Variants in UTRN observed in about 807,000 individuals in gnomAD.
The protein encoded by UTRN is dystrophin-related protein 1.
Under a neutral mutation model 463.9 loss-of-function variants are expected in UTRN, and 283 were observed. The ratio of observed to expected loss-of-function variants is 0.61; its 90% confidence interval spans 0.55 to 0.67. The LOEUF (loss-of-function observed/expected upper bound fraction) is 0.67. Among genes scored for constraint, UTRN ranks in the 30% least tolerant of loss-of-function variants. The pLI is 0.00. For missense variants in UTRN, 3,922 were observed against 4,084.3 expected, an observed-to-expected ratio of 0.96 and a Z score of 1.08; for synonymous variants, 1,442 against 1,431.5, an observed-to-expected ratio of 1.01 and a Z score of -0.17.
Position 144,516,947 on chromosome 6 carries a change from A to G in UTRN, c.5540A>G (p.Lys1847Arg). Residue 1847 changes from lysine to arginine, a missense_variant and splice_region_variant, in exon 39 of 75, where the codon AAG (lysine) becomes AGG (arginine). Around this residue, in one of 3 missense-constraint regions of UTRN, gnomAD observed 2,349 missense variants for 2,303.8 expected, o/e 1.02. Coordinates refer to ENST00000367545, the MANE Select transcript of UTRN (RefSeq NM_007124.3). ...LLLHTRYNKI[K>R]AIPIQQRKMG... ...TTGCATACTAGATACAACAAAATTA[A>G]GGTATTATGATTGGAGAGTCTCTGT... 1.4e-6 allele frequency: 2 copies of G among 1,476,324 alleles called. No individual in the cohort carries two copies. Among genetic ancestry groups the G allele is most frequent in the Non-Finnish European group, 1.8e-6 (2 of 1,118,768 alleles). 91.5% of individuals were successfully genotyped at this position (1,476,324 alleles called of 1,614,324 possible). A position where few individuals can be genotyped will look rare whatever the true frequency, so the allele number is the denominator to read the frequency against.
chr6:144,315,799 C>A (rs1775245716), intron 2 of UTRN, among the ~76,000 whole-genome samples: 2 of 152,190 alleles, frequency 1.3e-5, no homozygotes, highest in African/African-American at 4.8e-5. Context: ...AGGAATCTAC[C>A]TGAAAAGCAC....
At chr6:144,808,748 A>C (rs1778362874) in intron 65 of UTRN, among the ~76,000 whole-genome samples, 1 of 151,884 alleles carries the variant, frequency 6.6e-6, no homozygotes, top group Admixed American at 6.6e-5. Flanking sequence ...TAAAGGTCCC[A>C]CATATAAGTG....
At chr6:144,780,879 C>A (rs1477066302) in intron 60 of UTRN, among the ~76,000 whole-genome samples, 1 of 152,190 alleles carries the variant, frequency 6.6e-6, no homozygotes, top group East Asian at 1.9e-4. Context: ...ACCTGGAATT[C>A]TTTCCTCACT....
rs185857631 is a variant in UTRN, at chr6:144,683,632, G to A, written c.7652+5054G>A. ...TTCTCCTATGTCTCAAATATTTCTC[G>A]AAACTTTTCCATCACTTTTCTCTCT... On this transcript the variant is annotated intron_variant, in intron 52 of 74. Coordinates refer to ENST00000367545, the MANE Select transcript of UTRN (RefSeq NM_007124.3). Among the ~76,000 whole-genome samples, 181 of 152,136 alleles carry A rather than the reference G, an allele frequency of 1.2e-3. 1 individual carries two copies. The highest frequency in any genetic ancestry group is 1.1e-3 in the Non-Finnish European group (76 of 68,002).
chr6:144,484,113 A>G (rs948601637), intron 27 of UTRN, among the ~76,000 whole-genome samples: 1 of 152,174 alleles, frequency 6.6e-6, no homozygotes, highest in Non-Finnish European at 1.5e-5. Flanking sequence ...CTCTTATAAT[A>G]AGGGATTATA....
chr6:144,657,398 T>C (rs1401274399), intron 51 of UTRN, among the ~76,000 whole-genome samples: 1 of 152,142 alleles, frequency 6.6e-6, no homozygotes, highest in Non-Finnish European at 1.5e-5. Context: ...TCTGAGAAGG[T>C]AGCTGATACA....
intron 2 of UTRN, among the ~76,000 whole-genome samples, chr6:144,390,500 G>T (rs944373329): frequency 1.3e-5 from 2 of 152,124 alleles, no homozygotes; most frequent in Non-Finnish European, 2.9e-5. Context: ...TTAACCCCTT[G>T]CTGTGGCCTT....
chr6:144,593,775 T>G lies in UTRN; in HGVS notation c.7479+16487T>G, dbSNP rs1307983341. ...AAGTTCATTCATTTACATTTTTATA[T>G]TAATAAAAAAGTTGCCCTTTTGATT... is the stretch of plus-strand genomic sequence containing the variant. On this transcript the variant is annotated intron_variant, in intron 51 of 74. Coordinates refer to ENST00000367545, the MANE Select transcript of UTRN (RefSeq NM_007124.3). Among the ~76,000 whole-genome samples the G allele has an allele frequency of 3.3e-5, 5 of 152,206 alleles. No individual in the cohort carries two copies. In the East Asian group the frequency reaches 9.6e-4, roughly 29 times the overall value.
chr6:144,402,433 T>C (rs1783010286), intron 2 of UTRN, among the ~76,000 whole-genome samples: 1 of 152,232 alleles, frequency 6.6e-6, no homozygotes. Flanking sequence ...CTTCTACCCA[T>C]ATTTCAAAAG....
At chr6:144,549,087 A>G (rs1798675069) in intron 47 of UTRN, among the ~76,000 whole-genome samples, 1 of 152,254 alleles carries the variant, frequency 6.6e-6, no homozygotes, top group Non-Finnish European at 1.5e-5. Context: ...GTGCATTTTT[A>G]AAATCTAAAA....
intron 53 of UTRN, among the ~76,000 whole-genome samples, chr6:144,701,166 CA>C (rs1204268539): frequency 6.6e-6 from 1 of 152,142 alleles, no homozygotes; most frequent in African/African-American, 2.4e-5. Flanking sequence ...CTCGGCCTCC[CA>C]AAGTGCTGGG....
At chr6:144,598,768 G>A (rs1803923881) in intron 51 of UTRN, among the ~76,000 whole-genome samples, 1 of 152,154 alleles carries the variant, frequency 6.6e-6, no homozygotes, top group Non-Finnish European at 1.5e-5. Flanking sequence ...AGCTGTGCCT[G>A]AATTCCAAAG....
At chr6:144,357,936 C>G (rs1248875909) in intron 2 of UTRN, among the ~76,000 whole-genome samples, 2 of 152,222 alleles carry the variant, frequency 1.3e-5, no homozygotes, top group Admixed American at 6.5e-5. Context: ...GCCTGTGGCT[C>G]CCTCCCCGCC....
In UTRN at chr6:144,735,144, G is replaced by A. The variant is rs575229054; in HGVS notation, c.7939+4658G>A. On this transcript the variant is annotated intron_variant, in intron 54 of 74. Transcript: ENST00000367545. Reference sequence around the variant, plus strand: ...TGGGAGATCAAAACTAGCACAGAGCGTGAGAAAGCAAGCAATGTAAAAGTG... The same window carrying A: ...TGGGAGATCAAAACTAGCACAGAGCATGAGAAAGCAAGCAATGTAAAAGTG... 2.6e-5 allele frequency among the ~76,000 whole-genome samples: 4 copies of A among 152,284 alleles called. No individual in the cohort carries two copies. The South Asian group carries it at 6.2e-4, about 24-fold the overall frequency.
intron 55 of UTRN, among the ~76,000 whole-genome samples, chr6:144,749,954 A>G (rs1791197130): frequency 6.6e-6 from 1 of 152,174 alleles, no homozygotes; most frequent in Non-Finnish European, 1.5e-5. Context: ...TTAATCTTTA[A>G]TAGATAAAAA....
intron 2 of UTRN, among the ~76,000 whole-genome samples, chr6:144,382,893 C>T (rs141080461): frequency 1.3e-3 from 202 of 152,214 alleles, no homozygotes; most frequent in African/African-American, 4.6e-3. Context: ...TTCAGTGTTA[C>T]GTTTTAGATC....
intron 61 of UTRN, among the ~76,000 whole-genome samples, chr6:144,788,713 C>T (rs996855202): frequency 2.0e-5 from 3 of 151,946 alleles, no homozygotes; most frequent in Non-Finnish European, 2.9e-5. Context: ...TATAGGCATG[C>T]GCCACCCGCC....
At chr6:144,464,014 G>T (rs78511181) in intron 23 of UTRN, among the ~76,000 whole-genome samples, 3,607 of 149,312 alleles carry the variant, frequency 0.024, 146 homozygotes, top group African/African-American at 0.077. Context: ...CATATATTTG[G>T]ATCTACATCT....
At chr6:144,676,913 C>T (rs1013623396) in intron 51 of UTRN, among the ~76,000 whole-genome samples, 1 of 151,952 alleles carries the variant, frequency 6.6e-6, no homozygotes, top group African/African-American at 2.4e-5. Flanking sequence ...GAAGTTTTAC[C>T]TATGTGAAAA....
Sources: allele counts gnomAD v4.1 joint callset (sites outside exome capture counted in the v4.1 genomes callset), GRCh38; gene constraint gnomAD v4.1.1; regional missense constraint gnomAD v4.1.1; transcripts MANE v1.5; gene names NCBI Gene and HGNC (gene_info 2026-07-23, HGNC 2026-07-21).